The following POU2F2 variants were observed in gnomAD, a reference collection of about 807,000 sequenced individuals.
The protein encoded by POU2F2 is POU domain, class 2, transcription factor 2.
A neutral mutation model predicts 63.5 loss-of-function variants in POU2F2; 14 were observed. The ratio of observed to expected loss-of-function variants is 0.22; its 90% CI spans 0.15 to 0.34. The LOEUF (loss-of-function observed/expected upper bound fraction) is 0.34, where lower values mean the gene tolerates loss of function less well. POU2F2 is among the 10% of genes least tolerant of loss of function. The probability of loss-of-function intolerance (pLI) is 1.00; values close to 1 mark genes in which losing one functional copy is unlikely to be tolerated. For missense variants in POU2F2, 607 were observed against 815.2 expected, an observed-to-expected ratio of 0.74 and a Z score of 3.11; for synonymous variants, 306 against 348.6, an observed-to-expected ratio of 0.88 and a Z score of 1.36.
intron 7 of POU2F2, among the ~76,000 whole-genome samples, chr19:42,097,631 G>A (rs1357232078): frequency 2.6e-5 from 4 of 151,880 alleles, no homozygotes; most frequent in Admixed American, 2.6e-4. Flanking sequence ...GCAACATGGC[G>A]AAACCCTATC....
intron 1 of POU2F2, among the ~76,000 whole-genome samples, chr19:42,183,350 T>C (rs1780448986): frequency 6.6e-6 from 1 of 152,170 alleles, no homozygotes; most frequent in Non-Finnish European, 1.5e-5. Context: ...GACCACACAC[T>C]GTAGGATTCC....
At chr19:42,168,976 T>C (rs1456557284) in intron 1 of POU2F2, among the ~76,000 whole-genome samples, 1 of 152,220 alleles carries the variant, frequency 6.6e-6, no homozygotes, top group Admixed American at 6.5e-5. Context: ...GCCAGTCCTG[T>C]TGGCTTGGAG....
upstream of POU2F2, among the ~76,000 whole-genome samples, chr19:42,134,919 C>G (rs923325746): frequency 6.6e-6 from 1 of 151,950 alleles, no homozygotes; most frequent in African/African-American, 2.4e-5. Flanking sequence ...CGAGGTCCCC[C>G]GGGGGCCCGG....
At chr19:42,098,412 CAAAA>C (rs1218709430) in intron 7 of POU2F2, among the ~76,000 whole-genome samples, 2 of 56,344 alleles carry the variant, frequency 3.5e-5, no homozygotes, top group African/African-American at 1.2e-4. Context: ...GACTCCATCT[CAAAA>C]AAAAAAAAAA....
chr19:42,165,335 C>A (rs1362393070), intron 1 of POU2F2, among the ~76,000 whole-genome samples: 1 of 152,218 alleles, frequency 6.6e-6, no homozygotes, highest in Non-Finnish European at 1.5e-5. Flanking sequence ...CAAATACAGT[C>A]CCCTGTCCCC....
At chr19:42,118,532 C>T (rs1451962935) in intron 4 of POU2F2, among the ~76,000 whole-genome samples, 1 of 152,268 alleles carries the variant, frequency 6.6e-6, no homozygotes, top group Non-Finnish European at 1.5e-5. Flanking sequence ...AGATGTGGCC[C>T]AGGAAATACC....
chr19:42,146,647 C>A (rs1661428682), intron 2 of POU2F2, among the ~76,000 whole-genome samples: 1 of 57,834 alleles, frequency 1.7e-5, no homozygotes, highest in African/African-American at 1.8e-4. Context: ...TGTGGAGTCT[C>A]CTAAGGGAAG....
intron 5 of POU2F2, among the ~76,000 whole-genome samples, chr19:42,113,528 T>C (rs1347944296): frequency 6.6e-6 from 1 of 152,242 alleles, no homozygotes; most frequent in African/African-American, 2.4e-5. Context: ...AAGGGGGGCT[T>C]TTCCTTGGTA....
intron 1 of POU2F2, among the ~76,000 whole-genome samples, chr19:42,183,518 A>G (rs542845916): frequency 2.0e-5 from 3 of 152,338 alleles, no homozygotes; most frequent in African/African-American, 7.2e-5. Flanking sequence ...GGTGGTGGTT[A>G]CACAACTGTG....
At position 42,155,378 on chromosome 19, in the gene POU2F2, A is replaced by G. The variant is rs1182700964; in HGVS notation, c.-9+4954T>C. Among the ~76,000 whole-genome samples the G allele has an allele frequency of 3.3e-5, 5 of 151,990 alleles. No individual in the cohort carries two copies. The East Asian group carries it at 9.7e-4, about 29-fold the overall frequency. On this transcript the variant is annotated intron_variant, in intron 2 of 6. Transcript: ENST00000524801. The surrounding 1 kb of genome is among the most constrained non-coding windows in gnomAD (Gnocchi z 4.2). ...TCTCTGTGTTTCTGTCATGAGGTGCATGCTCCCTGGGTCTCCCTCTCCCTC... is the reference window on the plus strand; with the variant it reads ...TCTCTGTGTTTCTGTCATGAGGTGCGTGCTCCCTGGGTCTCCCTCTCCCTC...
At chr19:42,197,226 C>T (rs985378286), upstream of POU2F2, among the ~76,000 whole-genome samples, 4 of 152,208 alleles carry the variant, frequency 2.6e-5, no homozygotes, top group East Asian at 1.9e-4. Context: ...CATCTCAATG[C>T]TCCCACCACT....
intron 5 of POU2F2, among the ~76,000 whole-genome samples, chr19:42,106,467 G>T (rs555617541): frequency 2.0e-5 from 3 of 152,116 alleles, no homozygotes; most frequent in Non-Finnish European, 4.4e-5. Context: ...CATCACTAGG[G>T]ACTCCAAAGG....
chr19:42,163,647 G>A (rs1254019559), intron 1 of POU2F2, among the ~76,000 whole-genome samples: 2 of 152,126 alleles, frequency 1.3e-5, no homozygotes, highest in Non-Finnish European at 2.9e-5. Flanking sequence ...GGGAGGCCAG[G>A]GACTGTTGCT....
intron 1 of POU2F2, among the ~76,000 whole-genome samples, chr19:42,167,829 A>C (rs901388119): frequency 1.3e-5 from 2 of 152,144 alleles, no homozygotes; most frequent in Non-Finnish European, 2.9e-5. Context: ...TGACCCATTC[A>C]TTCTCCAAGA....
At chr19:42,124,522 C>A (rs919680888) in intron 1 of POU2F2, among the ~76,000 whole-genome samples, 2 of 152,088 alleles carry the variant, frequency 1.3e-5, no homozygotes, top group African/African-American at 4.8e-5. Context: ...CTCAGAAAAG[C>A]TGAAAAGATG....
intron 1 of POU2F2, among the ~76,000 whole-genome samples, chr19:42,173,924 G>A (rs1436289016): frequency 3.3e-5 from 5 of 152,188 alleles, no homozygotes; most frequent in African/African-American, 1.2e-4. Flanking sequence ...TGGAGATGCT[G>A]CCTATGGCCC....
chr19:42,092,105 G>C lies in POU2F2; in HGVS notation c.1430C>G (p.Ser477Trp). Residue 477 changes from serine (S) to tryptophan (W), a missense_variant, in exon 13 of 15, where the codon TCG becomes TGG. Physicochemically the swap from Ser to Trp is radical, Grantham distance 177. Around this residue, in one of 7 missense-constraint regions of POU2F2, gnomAD observed 270 missense variants for 307.5 expected, o/e 0.88. Coordinates refer to ENST00000692977, the MANE Select transcript of POU2F2 (RefSeq NM_001394376.1). The surrounding 1 kb of genome is among the most constrained non-coding windows in gnomAD (Gnocchi z 5.0). The stretch of plus-strand genomic sequence containing the variant: ...GTTCAGGCCTGACAAGCCGATAGCC[G>C]AGTGGCTGCCTTGAGGGCTGGGGTT... Reference protein sequence around the residue: ...STNPSPQGSHSAIGLSGLNPS... With the variant: ...STNPSPQGSHWAIGLSGLNPS... The C allele has an allele frequency of 6.3e-7, 1 of 1,593,620 alleles. No individual in the cohort carries two copies. The highest frequency in any genetic ancestry group is 8.5e-7 in the Non-Finnish European group (1 of 1,171,178).
intron 4 of POU2F2, among the ~76,000 whole-genome samples, chr19:42,119,133 AAG>A (rs981800265): frequency 1.3e-5 from 2 of 151,496 alleles, no homozygotes; most frequent in Non-Finnish European, 1.5e-5. Flanking sequence ...TTAAAAAAAA[AAG>A]AGAGAGAGAG....
At chr19:42,137,511 C>A (rs756182718) in intron 2 of POU2F2, among the ~76,000 whole-genome samples, 6 of 152,134 alleles carry the variant, frequency 3.9e-5, no homozygotes, top group Non-Finnish European at 8.8e-5. Flanking sequence ...TGCTTGACAC[C>A]AGGAGTTTGA....
Sources: gnomAD v4.1 joint callset for allele counts (sites outside exome capture counted in the v4.1 genomes callset) on GRCh38, gnomAD v4.1.1 for gene constraint, gnomAD v4.1.1 regional missense constraint, Gnocchi (gnomAD v3.1) non-coding constraint, MANE v1.5 for transcripts, NCBI Gene and HGNC (gene_info 2026-07-23, HGNC 2026-07-21) for gene names.